STK32B: variants seen among roughly 807,000 people sequenced by gnomAD.
STK32B encodes serine/threonine-protein kinase 32B.
A neutral mutation model predicts 52.6 loss-of-function variants in STK32B; 43 were observed. The observed-to-expected ratio is 0.82, with a 90% CI of 0.64 to 1.05. The LOEUF is 1.05. Among genes scored for constraint, STK32B ranks in the 50% least tolerant of loss-of-function variants. STK32B has a pLI of 0.00. For missense variants in STK32B, 621 were observed against 534.6 expected, an observed-to-expected ratio of 1.16 and a Z score of -1.59; for synonymous variants, 238 against 204.3, an observed-to-expected ratio of 1.17 and a Z score of -1.41.
At chr4:5,181,705 G>C (rs1330076840) in intron 3 of STK32B, among the ~76,000 whole-genome samples, 2 of 152,122 alleles carry the variant, frequency 1.3e-5, no homozygotes, top group African/African-American at 4.8e-5. Context: ...TAAAAAACAA[G>C]GTACGTACCA....
At chr4:5,337,678 A>G (rs1448346924) in intron 4 of STK32B, among the ~76,000 whole-genome samples, 1 of 152,148 alleles carries the variant, frequency 6.6e-6, no homozygotes, top group African/African-American at 2.4e-5. Context: ...TTAGCTGGTA[A>G]AGAATCTGAA....
At chr4:5,448,019 C>G (rs911582709) in intron 7 of STK32B, among the ~76,000 whole-genome samples, 1 of 152,118 alleles carries the variant, frequency 6.6e-6, no homozygotes, top group Non-Finnish European at 1.5e-5. Flanking sequence ...TGTGGGTGTC[C>G]CATTGCATGG....
intron 3 of STK32B, among the ~76,000 whole-genome samples, chr4:5,174,698 T>A (rs191970019): frequency 6.6e-5 from 10 of 152,326 alleles, no homozygotes; most frequent in Admixed American, 2.0e-4. Context: ...CTTCCCTTTG[T>A]GGGTAACCCG....
intron 11 of STK32B, among the ~76,000 whole-genome samples, chr4:5,475,343 T>C (rs1403732396): frequency 6.8e-6 from 1 of 148,076 alleles, no homozygotes; most frequent in African/African-American, 2.5e-5. Flanking sequence ...GAGAATCGCT[T>C]GAACCCGAGA....
chr4:5,219,877 G>A (rs1187956140), intron 3 of STK32B, among the ~76,000 whole-genome samples: 2 of 152,182 alleles, frequency 1.3e-5, no homozygotes, highest in African/African-American at 4.8e-5. Context: ...TTGCTTTGGT[G>A]CAGGACTGGT....
chr4:5,330,530 G>A (rs1365854852), intron 3 of STK32B, among the ~76,000 whole-genome samples: 1 of 152,148 alleles, frequency 6.6e-6, no homozygotes, highest in African/African-American at 2.4e-5. Flanking sequence ...GCTCAGCTGG[G>A]CTGTTCTTCT....
At chr4:5,143,067 C>G (rs2108835909) in intron 2 of STK32B, among the ~76,000 whole-genome samples, 1 of 152,026 alleles carries the variant, frequency 6.6e-6, no homozygotes, top group East Asian at 1.9e-4. Flanking sequence ...TTGTGTGAAC[C>G]AGTTCTTTAA....
chr4:5,415,480 TAG>T (rs1386627759), intron 5 of STK32B, among the ~76,000 whole-genome samples: 87 of 152,298 alleles, frequency 5.7e-4, no homozygotes, highest in African/African-American at 2.1e-3. Context: ...GATGGTTGAA[TAG>T]AGACATACTC....
chr4:5,360,721 G>A (rs1269421711), intron 4 of STK32B, among the ~76,000 whole-genome samples: 5 of 152,248 alleles, frequency 3.3e-5, no homozygotes, highest in South Asian at 2.1e-4. Flanking sequence ...CAGGAGAATC[G>A]CTTGAACCAG....
intron 3 of STK32B, among the ~76,000 whole-genome samples, chr4:5,323,527 C>CA (rs1419687315): frequency 6.6e-6 from 1 of 152,142 alleles, no homozygotes; most frequent in Non-Finnish European, 1.5e-5. Flanking sequence ...GTCTCTGTGA[C>CA]AAGAAGAGGC....
intron 3 of STK32B, among the ~76,000 whole-genome samples, chr4:5,182,133 C>T (rs1009518981): frequency 2.6e-5 from 4 of 152,212 alleles, no homozygotes; most frequent in Non-Finnish European, 5.9e-5. Flanking sequence ...AACTCCTCAC[C>T]TGTTCAAGTG....
At chr4:5,429,443 C>T (rs1321749428) in intron 6 of STK32B, among the ~76,000 whole-genome samples, 1 of 151,786 alleles carries the variant, frequency 6.6e-6, no homozygotes, top group African/African-American at 2.4e-5. Context: ...AGTTTTTATA[C>T]CTCTTTAAAA....
intron 9 of STK32B, among the ~76,000 whole-genome samples, chr4:5,466,358 T>C (rs2109164773): frequency 6.6e-6 from 1 of 152,234 alleles, no homozygotes; most frequent in Non-Finnish European, 1.5e-5. Flanking sequence ...AAGATAGTAA[T>C]GACAGGACAA....
chr4:5,290,963 A>G (rs1218466144), intron 3 of STK32B, among the ~76,000 whole-genome samples: 2 of 152,104 alleles, frequency 1.3e-5, no homozygotes, highest in Non-Finnish European at 2.9e-5. Flanking sequence ...TCTTTCCCCT[A>G]TTAGTTTATC....
rs141596048 is a variant in STK32B, at chr4:5,283,695, G to A, written c.261-47525G>A. Among the ~76,000 whole-genome samples, 157 of 152,274 alleles carry A rather than the reference G, an allele frequency of 1.0e-3. 1 individual carries two copies. The highest frequency in any genetic ancestry group is 9.2e-4 in the Admixed American group (14 of 15,278). On this transcript the variant is annotated intron_variant, in intron 3 of 11. Coordinates refer to ENST00000282908, the MANE Select transcript of STK32B (RefSeq NM_018401.3). ...GAGAGAGTGGGATGATATATTCAAC[G>A]TGCTGAAGGAAACACAATTGTAAAT...
the STK32B span, among the ~76,000 whole-genome samples, chr4:5,038,799 ACT>A: frequency 2.0e-5 from 3 of 152,080 alleles, no homozygotes; most frequent in East Asian, 5.8e-4. Context: ...GATTTCAGAA[ACT>A]CTGTACACTT....
chr4:5,416,916 G>T lies in STK32B; in HGVS notation c.544G>T (p.Gly182Cys). Reference sequence around the variant, plus strand: ...AGCAGAAAGGGCTTCCTCCATGGCTGGCACCAAGCCCTACATGGGTGAGTG... The same window carrying T: ...AGCAGAAAGGGCTTCCTCCATGGCTTGCACCAAGCCCTACATGGGTGAGTG... ...KGAERASSMA[G>C]TKPYMAPEVF... Residue 182 changes from glycine to cysteine, a missense_variant, in exon 6 of 12, where the codon GGC (glycine) becomes TGC (cysteine). By Grantham distance (159) the Gly-to-Cys change is radical. Coordinates refer to ENST00000282908, the MANE Select transcript of STK32B (RefSeq NM_018401.3). 1 of 1,613,324 alleles carries T rather than the reference G, an allele frequency of 6.2e-7. No homozygotes were observed. The highest frequency in any genetic ancestry group is 1.1e-5 in the South Asian group (1 of 90,818).
intron 3 of STK32B, among the ~76,000 whole-genome samples, chr4:5,291,719 T>G (rs1728901453): frequency 6.6e-6 from 1 of 152,192 alleles, no homozygotes; most frequent in Non-Finnish European, 1.5e-5. Context: ...CATCCTTGTT[T>G]TGTTCCTGAT....
At chr4:5,334,265 T>G (rs1732474721) in intron 4 of STK32B, among the ~76,000 whole-genome samples, 1 of 152,030 alleles carries the variant, frequency 6.6e-6, no homozygotes, top group Non-Finnish European at 1.5e-5. Flanking sequence ...CACTCATGAT[T>G]TGGCTCTCTG....
Sources: gnomAD v4.1 joint callset for allele counts (sites outside exome capture counted in the v4.1 genomes callset) on GRCh38, gnomAD v4.1.1 for gene constraint, MANE v1.5 for transcripts, NCBI Gene and HGNC (gene_info 2026-07-23, HGNC 2026-07-21) for gene names.